CNTNAP2: variants seen among roughly 807,000 people sequenced by gnomAD.
CNTNAP2 encodes contactin-associated protein-like 2.
A neutral mutation model predicts 155.2 loss-of-function variants in CNTNAP2; 98 were observed. The ratio of observed to expected loss-of-function variants is 0.63; its 90% confidence interval spans 0.54 to 0.75. CNTNAP2 has a LOEUF of 0.75. Ranked by LOEUF, CNTNAP2 falls within the 30% of genes least tolerant of loss-of-function variation. The pLI, the probability that CNTNAP2 is intolerant of heterozygous loss-of-function variation, is 0.00. For synonymous variants in CNTNAP2, 651 were observed against 631.2 expected, an observed-to-expected ratio of 1.03 and a Z score of -0.47; for missense variants, 1,727 against 1,688.1, an observed-to-expected ratio of 1.02 and a Z score of -0.40.
At chr7:146,190,290 C>T (rs1396064002) in intron 1 of CNTNAP2, among the ~76,000 whole-genome samples, 4 of 152,168 alleles carry the variant, frequency 2.6e-5, no homozygotes, top group Admixed American at 1.3e-4. Context: ...TTTCCCTGTT[C>T]TGGGCTTTAT....
chr7:147,260,474 A>T (rs1394788000), intron 8 of CNTNAP2, among the ~76,000 whole-genome samples: 1 of 152,216 alleles, frequency 6.6e-6, no homozygotes. Context: ...GTTTGAAATT[A>T]ATTCCAAGCA....
At chr7:147,058,189 T>C (rs1030109983) in intron 4 of CNTNAP2, among the ~76,000 whole-genome samples, 1 of 152,228 alleles carries the variant, frequency 6.6e-6, no homozygotes, top group Non-Finnish European at 1.5e-5. Flanking sequence ...GACATTTTCC[T>C]TATTGTGAAT....
intron 4 of CNTNAP2, among the ~76,000 whole-genome samples, chr7:147,094,583 T>G (rs1197217586): frequency 1.3e-5 from 2 of 151,728 alleles, no homozygotes; most frequent in East Asian, 3.9e-4. Flanking sequence ...TTTTTTTGTA[T>G]TTTTAGTAGA....
chr7:146,360,130 TC>T (rs1432633928), intron 1 of CNTNAP2, among the ~76,000 whole-genome samples: 1 of 152,220 alleles, frequency 6.6e-6, no homozygotes, highest in Non-Finnish European at 1.5e-5. Flanking sequence ...TGACCTACTT[TC>T]GAATGCCTGA....
chr7:146,566,271 C>G (rs892424668), intron 1 of CNTNAP2, among the ~76,000 whole-genome samples: 8 of 152,162 alleles, frequency 5.3e-5, no homozygotes, highest in African/African-American at 1.9e-4. Context: ...GGGAGATGAC[C>G]TTTCATATTT....
At chr7:146,213,044 T>A (rs1799060110) in intron 1 of CNTNAP2, among the ~76,000 whole-genome samples, 1 of 152,182 alleles carries the variant, frequency 6.6e-6, no homozygotes, top group Admixed American at 6.5e-5. Flanking sequence ...TGTAGAAGTG[T>A]CCTTGGAAAA....
At chr7:148,293,409 T>C (rs1221104318) in intron 21 of CNTNAP2, among the ~76,000 whole-genome samples, 1 of 152,166 alleles carries the variant, frequency 6.6e-6, no homozygotes, top group Non-Finnish European at 1.5e-5. Context: ...TGGTAATAGA[T>C]GTAAAGAATT....
chr7:147,076,156 A>G (rs1441341854), intron 4 of CNTNAP2, among the ~76,000 whole-genome samples: 1 of 152,210 alleles, frequency 6.6e-6, no homozygotes, highest in Non-Finnish European at 1.5e-5. Flanking sequence ...CAGTAATGGG[A>G]CAGCTGGGTC....
intron 1 of CNTNAP2, among the ~76,000 whole-genome samples, chr7:146,432,967 A>C (rs1463042972): frequency 6.6e-6 from 1 of 152,176 alleles, no homozygotes; most frequent in African/African-American, 2.4e-5. Context: ...GAAAGGAACT[A>C]ATGAAAGAGA....
chr7:147,687,432 G>A (rs1192671542), intron 13 of CNTNAP2, among the ~76,000 whole-genome samples: 1 of 152,040 alleles, frequency 6.6e-6, no homozygotes, highest in Non-Finnish European at 1.5e-5. Flanking sequence ...TCTTAATGAA[G>A]TAAGAAGCTG....
intron 1 of CNTNAP2, among the ~76,000 whole-genome samples, chr7:146,303,360 A>C (rs1041559616): frequency 2.0e-5 from 3 of 150,172 alleles, no homozygotes; most frequent in Admixed American, 6.7e-5. Flanking sequence ...CTCAGTTTTT[A>C]AACCTTATTT....
intron 1 of CNTNAP2, among the ~76,000 whole-genome samples, chr7:146,281,151 A>AT (rs1484533729): frequency 2.6e-5 from 4 of 152,044 alleles, no homozygotes; most frequent in African/African-American, 9.7e-5. Flanking sequence ...AAATATATGC[A>AT]TTTTTCTGGT....
intron 9 of CNTNAP2, among the ~76,000 whole-genome samples, chr7:147,354,770 A>C (rs549829132): frequency 8.3e-4 from 127 of 152,264 alleles, no homozygotes; most frequent in Non-Finnish European, 1.5e-3. Flanking sequence ...GTGCATGAGC[A>C]TGGACTGTTT....
intron 2 of CNTNAP2, among the ~76,000 whole-genome samples, chr7:146,820,432 T>C (rs1803257646): frequency 6.6e-6 from 1 of 152,198 alleles, no homozygotes; most frequent in African/African-American, 2.4e-5. Flanking sequence ...ATACAGACTT[T>C]TAAAACCTCA....
At chr7:148,152,629 T>C (rs1805317214) in intron 17 of CNTNAP2, among the ~76,000 whole-genome samples, 1 of 152,184 alleles carries the variant, frequency 6.6e-6, no homozygotes, top group African/African-American at 2.4e-5. Flanking sequence ...CCCATAATTC[T>C]AATCTCATGG....
chr7:146,807,129 A>G (rs1297327877), intron 2 of CNTNAP2, among the ~76,000 whole-genome samples: 1 of 152,206 alleles, frequency 6.6e-6, no homozygotes, highest in Non-Finnish European at 1.5e-5. Context: ...GTACACATTT[A>G]TTATAAAACA....
In CNTNAP2 at chr7:147,471,349, C is replaced by T. The variant is rs567198410; in HGVS notation, c.1671-14586C>T. 1.1e-3 allele frequency among the ~76,000 whole-genome samples: 167 copies of T among 152,280 alleles called. 1 individual carries two copies. Among genetic ancestry groups the T allele is most frequent in the African/African-American group, 3.8e-3 (160 of 41,564 alleles). On this transcript the variant is annotated intron_variant, in intron 10 of 23. Coordinates refer to ENST00000361727, the MANE Select transcript of CNTNAP2 (RefSeq NM_014141.6). Reference sequence around the variant, plus strand: ...TACAAAGGAAAACTCTACAAGACAACAGGCCTAGTATTTCCAGAAAGTGAG... The same window carrying T: ...TACAAAGGAAAACTCTACAAGACAATAGGCCTAGTATTTCCAGAAAGTGAG...
intron 12 of CNTNAP2, among the ~76,000 whole-genome samples, chr7:147,606,005 G>A (rs998579704): frequency 1.3e-5 from 2 of 151,808 alleles, no homozygotes; most frequent in African/African-American, 4.8e-5. Flanking sequence ...TGAGTAGCAA[G>A]TCTAACAACG....
At chr7:147,467,451 A>T (rs1020452551) in intron 10 of CNTNAP2, among the ~76,000 whole-genome samples, 1 of 152,204 alleles carries the variant, frequency 6.6e-6, no homozygotes, top group Non-Finnish European at 1.5e-5. Context: ...ATCAAATACC[A>T]CATGAACTCA....
Sources: allele counts gnomAD v4.1 joint callset (sites outside exome capture counted in the v4.1 genomes callset), GRCh38; gene constraint gnomAD v4.1.1; transcripts MANE v1.5; gene names NCBI Gene and HGNC (gene_info 2026-07-23, HGNC 2026-07-21).